Variants in KIAA1328 observed in about 807,000 individuals in gnomAD.
KIAA1328 encodes KIAA1328.
Under a neutral mutation model 68.1 loss-of-function variants are expected in KIAA1328, and 52 were observed. The observed-to-expected ratio is 0.76, with a 90% CI of 0.61 to 0.96. The LOEUF (loss-of-function observed/expected upper bound fraction) is 0.96. Ranked by LOEUF, KIAA1328 falls within the 40% of genes least tolerant of loss-of-function variation. The probability of loss-of-function intolerance (pLI) is 0.00; values close to 1 mark genes in which losing one functional copy is unlikely to be tolerated. For missense variants in KIAA1328, 641 were observed against 677.6 expected (o/e 0.95, Z 0.60); for synonymous variants, 232 against 239.4 (o/e 0.97, Z 0.28).
At chr18:37,101,034 A>T (rs1043951722) in intron 7 of KIAA1328, among the ~76,000 whole-genome samples, 1 of 152,208 alleles carries the variant, frequency 6.6e-6, no homozygotes, top group Non-Finnish European at 1.5e-5. Context: ...CACCATCATC[A>T]AATACCAAAG....
At chr18:36,981,133 C>G (rs1352037785) in intron 6 of KIAA1328, among the ~76,000 whole-genome samples, 4 of 152,116 alleles carry the variant, frequency 2.6e-5, no homozygotes, top group African/African-American at 9.7e-5. Context: ...TTGTTCCCAT[C>G]AGCAAGAGAA....
chr18:36,953,740 A>G (rs1016612684), intron 5 of KIAA1328, among the ~76,000 whole-genome samples: 4 of 151,996 alleles, frequency 2.6e-5, no homozygotes, highest in African/African-American at 7.2e-5. Flanking sequence ...TAAAATTAGT[A>G]GTAATTCCAT....
At chr18:36,972,653 G>C (rs982295150) in intron 6 of KIAA1328, among the ~76,000 whole-genome samples, 3 of 152,140 alleles carry the variant, frequency 2.0e-5, no homozygotes, top group African/African-American at 7.2e-5. Context: ...ACATAAAAAA[G>C]AAACAGCAAG....
chr18:37,064,060 A>G (rs1183994185), intron 6 of KIAA1328, among the ~76,000 whole-genome samples: 1 of 152,158 alleles, frequency 6.6e-6, no homozygotes, highest in Admixed American at 6.5e-5. Flanking sequence ...AGTAGGAGAG[A>G]TTAATGTAGA....
intron 7 of KIAA1328, among the ~76,000 whole-genome samples, chr18:37,121,582 G>A (rs761507090): frequency 2.6e-5 from 4 of 152,014 alleles, no homozygotes; most frequent in Non-Finnish European, 5.9e-5. Context: ...TTGAGGTATA[G>A]GATCATGTCC....
At chr18:36,877,869 A>T (rs549669404) in intron 4 of KIAA1328, among the ~76,000 whole-genome samples, 1 of 151,758 alleles carries the variant, frequency 6.6e-6, no homozygotes, top group Non-Finnish European at 1.5e-5. Context: ...GGGTTTCACC[A>T]TGTTAGCCAG....
intron 7 of KIAA1328, among the ~76,000 whole-genome samples, chr18:37,122,481 A>G (rs144973958): frequency 3.3e-5 from 5 of 152,292 alleles, no homozygotes; most frequent in Non-Finnish European, 7.4e-5. Context: ...TGTAGATGAC[A>G]AGGAAGCAAT....
chr18:37,138,212 TC>T (rs1471264645), intron 7 of KIAA1328, among the ~76,000 whole-genome samples: 2 of 152,198 alleles, frequency 1.3e-5, no homozygotes, highest in African/African-American at 4.8e-5. Flanking sequence ...TCACAACAAC[TC>T]TGTGAGTTAC....
intron 7 of KIAA1328, among the ~76,000 whole-genome samples, chr18:37,099,428 T>G (rs1384637862): frequency 1.8e-4 from 27 of 152,244 alleles, no homozygotes; most frequent in Admixed American, 1.8e-3. Context: ...GATTGCACTG[T>G]GGTCTGAGAG....
intron 9 of KIAA1328, among the ~76,000 whole-genome samples, chr18:37,220,184 A>G (rs996245663): frequency 5.3e-5 from 8 of 152,244 alleles, no homozygotes; most frequent in Non-Finnish European, 1.0e-4. Context: ...TTAGTTTCAT[A>G]CATGTTGGAA....
Position 36,844,192 on chromosome 18 carries a change from A to ATTT in KIAA1328, c.238-6_238-4dup. 1 of 1,161,138 alleles carries ATTT rather than the reference A, an allele frequency of 8.6e-7. No homozygotes were observed. The highest frequency in any genetic ancestry group is 1.2e-6 in the Non-Finnish European group (1 of 843,222). 71.9% of individuals were successfully genotyped at this position (1,161,138 alleles called of 1,614,324 possible). A position where few individuals can be genotyped will look rare whatever the true frequency, so the allele number is the denominator to read the frequency against. On this transcript the variant is annotated splice_polypyrimidine_tract_variant and intron_variant, in intron 3 of 9. Coordinates refer to ENST00000280020, the MANE Select transcript of KIAA1328 (RefSeq NM_020776.3). ...TTGGTTTTAGAAAAAGTGTAACTAA[A>ATTT]TTTTTTTTTTTTAAGAATTCCTGCA... is the stretch of plus-strand genomic sequence containing the variant.
At chr18:37,097,250 A>T (rs1053064164) in intron 7 of KIAA1328, among the ~76,000 whole-genome samples, 1 of 152,198 alleles carries the variant, frequency 6.6e-6, no homozygotes, top group African/African-American at 2.4e-5. Context: ...TAATTTTTGT[A>T]TAAGGTGTGA....
chr18:36,928,417 C>T (rs370171352), intron 5 of KIAA1328, among the ~76,000 whole-genome samples: 1 of 152,100 alleles, frequency 6.6e-6, no homozygotes, highest in Non-Finnish European at 1.5e-5. Context: ...GTTTTTTCAT[C>T]TGTAAAATGA....
chr18:37,126,925 G>A (rs1290988783), intron 7 of KIAA1328, among the ~76,000 whole-genome samples: 1 of 152,024 alleles, frequency 6.6e-6, no homozygotes, highest in Non-Finnish European at 1.5e-5. Context: ...GTAATAGAAG[G>A]GAACTTCCTC....
rs79888333 is a variant in KIAA1328 at position 37,095,889 on chromosome 18, G to A, written c.1232+28344G>A. 5.4e-3 allele frequency among the ~76,000 whole-genome samples: 821 copies of A among 152,218 alleles called. 4 individuals carry two copies. The highest frequency in any genetic ancestry group is 7.8e-3 in the Non-Finnish European group (532 of 67,998). On this transcript the variant is annotated intron_variant, in intron 7 of 9. Transcript: ENST00000280020. ...TGTATTCTAACAAATTGGAAAGGAAGAAATAGATAAATTCCTGGACATACG... is the reference window on the plus strand; with the variant it reads ...TGTATTCTAACAAATTGGAAAGGAAAAAATAGATAAATTCCTGGACATACG...
intron 5 of KIAA1328, among the ~76,000 whole-genome samples, chr18:36,908,988 G>A (rs900961775): frequency 6.6e-6 from 1 of 152,094 alleles, no homozygotes; most frequent in Non-Finnish European, 1.5e-5. Context: ...CAGAGTCTAT[G>A]TGGTACATTT....
At chr18:37,140,188 TA>T (rs2058736809) in intron 7 of KIAA1328, among the ~76,000 whole-genome samples, 1 of 152,102 alleles carries the variant, frequency 6.6e-6, no homozygotes, top group African/African-American at 2.4e-5. Flanking sequence ...ATTTTTTTTT[TA>T]TAATGCCTTT....
At chr18:36,957,683 C>G (rs185136840) in intron 5 of KIAA1328, among the ~76,000 whole-genome samples, 24 of 152,156 alleles carry the variant, frequency 1.6e-4, no homozygotes, top group Admixed American at 1.4e-3. Context: ...AAAAAAACAT[C>G]AAATTATACT....
chr18:37,167,666 C>T (rs2059418132), intron 8 of KIAA1328, among the ~76,000 whole-genome samples: 1 of 152,022 alleles, frequency 6.6e-6, no homozygotes, highest in African/African-American at 2.4e-5. Context: ...GTGTGTTCCT[C>T]TTGATATCCA....
Sources: allele counts gnomAD v4.1 joint callset (sites outside exome capture counted in the v4.1 genomes callset), GRCh38; gene constraint gnomAD v4.1.1; transcripts MANE v1.5; gene names NCBI Gene and HGNC (gene_info 2026-07-23, HGNC 2026-07-21).